Variants in ANKRD31 observed in about 807,000 individuals in gnomAD.
ANKRD31 encodes ankyrin repeat domain-containing protein 31.
In ANKRD31, 147 loss-of-function variants were observed where a neutral mutation model predicts 186.0. The observed-to-expected ratio is 0.79, with a 90% confidence interval of 0.69 to 0.91. The LOEUF is 0.91. Ranked by LOEUF, ANKRD31 falls within the 40% of genes least tolerant of loss-of-function variation. The pLI is 0.00. For missense variants in ANKRD31, 1,986 were observed against 2,148.8 expected (o/e 0.92, Z 1.50); for synonymous variants, 673 against 736.4 (o/e 0.91, Z 1.39).
At chr5:75,137,304 G>A (rs1241346412) in intron 17 of ANKRD31, among the ~76,000 whole-genome samples, 1 of 152,126 alleles carries the variant, frequency 6.6e-6, no homozygotes, top group Non-Finnish European at 1.5e-5. Context: ...AAAGATGAGT[G>A]TAAACATCTG....
chr5:75,150,725 C>G (rs1297347711), intron 12 of ANKRD31, among the ~76,000 whole-genome samples: 1 of 151,928 alleles, frequency 6.6e-6, no homozygotes, highest in Non-Finnish European at 1.5e-5. Flanking sequence ...CTGTAGGAAG[C>G]ATTCCCAGAA....
At chr5:75,122,229 C>T (rs1252624029) in intron 17 of ANKRD31, among the ~76,000 whole-genome samples, 1 of 151,356 alleles carries the variant, frequency 6.6e-6, no homozygotes, top group Non-Finnish European at 1.5e-5. Flanking sequence ...AAACATAAAA[C>T]CTCGAAAGAC....
intron 11 of ANKRD31, among the ~76,000 whole-genome samples, chr5:75,156,176 A>G (rs1241310580): frequency 6.6e-6 from 1 of 152,156 alleles, no homozygotes; most frequent in Non-Finnish European, 1.5e-5. Context: ...AAGTGTTGAG[A>G]TTACAGGTGT....
At chr5:75,104,144 C>G (rs1192119472) in intron 22 of ANKRD31, 84 bp downstream of exon 22, 4 of 1,199,422 alleles carry the variant, frequency 3.3e-6, no homozygotes, top group Non-Finnish European at 4.5e-6. Context: ...CTAATCAGAG[C>G]TAAATGTCTA....
intron 21 of ANKRD31, 118 bp downstream of exon 21, chr5:75,107,403 C>A: frequency 1.1e-5 from 7 of 660,844 alleles, no homozygotes; most frequent in Non-Finnish European, 1.8e-5. Context: ...CTCATAAAGT[C>A]ATTATTTGGC....
At position 75,216,162 on chromosome 5, in the gene ANKRD31, A is replaced by C. The variant is rs73116830; in HGVS notation, c.289-5297T>G. Among the ~76,000 whole-genome samples the C allele has an allele frequency of 3.7e-3, 569 of 152,310 alleles. 2 individuals carry two copies. Among genetic ancestry groups the C allele is most frequent in the African/African-American group, 0.013 (551 of 41,584 alleles). On this transcript the variant is annotated intron_variant, in intron 3 of 25. Coordinates refer to ENST00000506364, the MANE Select transcript of ANKRD31 (RefSeq NM_001372053.1). ...ATTTTATAACAAGCCCATACTCAGC[A>C]GATGGCTAGTTTACTATCTGATGAT... is the stretch of plus-strand genomic sequence containing the variant.
chr5:75,196,016 T>C lies in ANKRD31; in HGVS notation c.632A>G (p.Lys211Arg). The C allele has an allele frequency of 6.5e-7, 1 of 1,533,626 alleles. No homozygotes were observed. Residue 211 changes from lysine (K) to arginine (R), a missense_variant, in exon 7 of 26, where the codon AAG (lysine) becomes AGG (arginine). By Grantham distance (26) the Lys-to-Arg change is conservative. Transcript: ENST00000506364. Reference sequence around the variant, plus strand: ...GGTTTCAAGAGAGCTTTCTTCATCCTTAGTTTCTTCAGAAGTCATGGTCAT... The same window carrying C: ...GGTTTCAAGAGAGCTTTCTTCATCCCTAGTTTCTTCAGAAGTCATGGTCAT... ...VTMTMTSEET[K>R]DEESSLETFV...
In ANKRD31 at chr5:75,232,646, T is replaced by C. The variant is rs564022865; in HGVS notation, c.105-2011A>G. The stretch of plus-strand genomic sequence containing the variant: ...ATAATGACACTATTCTATATCTTGA[T>C]TGTGATAGTAGTTACACAATTATGT... On this transcript the variant is annotated intron_variant, in intron 1 of 25. Coordinates refer to ENST00000506364, the MANE Select transcript of ANKRD31 (RefSeq NM_001372053.1). 2.0e-5 allele frequency among the ~76,000 whole-genome samples: 3 copies of C among 152,248 alleles called. No individual in the cohort carries two copies. In the East Asian group the frequency reaches 5.8e-4, roughly 29 times the overall value.
Position 75,154,271 on chromosome 5 carries a change from C to T in ANKRD31, c.1782G>A (p.Glu594=). 1.3e-6 allele frequency: 2 copies of T among 1,535,442 alleles called. No homozygotes were observed. ...GACGCTTCATACATAAATCCTTGGC[C>T]TCATCCAAAGCACATTTTCCATCAT... ...RNDDGKCALD[E]AKDLCMKRLL... is the part of the protein sequence containing the mutation. The change falls in exon 12 of 26, where the codon GAG becomes GAA. Residue 594 remains glutamate (E), a synonymous_variant. Coordinates refer to ENST00000506364, the MANE Select transcript of ANKRD31 (RefSeq NM_001372053.1).
intron 14 of ANKRD31, 86 bp from the exon 15 acceptor site, chr5:75,144,257 T>C (rs1483885927): frequency 7.6e-6 from 3 of 392,974 alleles, no homozygotes; most frequent in African/African-American, 6.2e-5. Context: ...TTTTTTAAAG[T>C]TTCTGTTCCA....
At chr5:75,069,632 G>C (rs1744058744) in intron 25 of ANKRD31, among the ~76,000 whole-genome samples, 1 of 151,716 alleles carries the variant, frequency 6.6e-6, no homozygotes, top group South Asian at 2.1e-4. Flanking sequence ...TGCAACCTCT[G>C]CCTCCGAGGT....
intron 17 of ANKRD31, among the ~76,000 whole-genome samples, chr5:75,132,209 C>G (rs1480728461): frequency 6.6e-6 from 1 of 152,218 alleles, no homozygotes; most frequent in Non-Finnish European, 1.5e-5. Context: ...TCGGTAAGAA[C>G]AAACTTCTCT....
intron 11 of ANKRD31, among the ~76,000 whole-genome samples, chr5:75,158,538 G>T (rs1237566804): frequency 1.3e-5 from 2 of 152,112 alleles, no homozygotes; most frequent in Non-Finnish European, 2.9e-5. Context: ...TGCTTTGGGA[G>T]GCCAAGGCAG....
intron 10 of ANKRD31, among the ~76,000 whole-genome samples, chr5:75,185,879 A>G (rs1462764920): frequency 1.3e-5 from 2 of 152,092 alleles, no homozygotes; most frequent in East Asian, 1.9e-4. Flanking sequence ...CATTAAAAGT[A>G]AAAAATGGTG....
chr5:75,118,371 A>T (rs745667870), intron 17 of ANKRD31, 74 bp from the exon 18 acceptor site: 537 of 1,224,584 alleles, frequency 4.4e-4, no homozygotes, highest in Non-Finnish European at 5.4e-4. Flanking sequence ...CACAAACACC[A>T]CTGCCAAGCA....
At chr5:75,101,731 T>C (rs908835472) in intron 22 of ANKRD31, among the ~76,000 whole-genome samples, 6 of 152,228 alleles carry the variant, frequency 3.9e-5, no homozygotes, top group African/African-American at 1.4e-4. Context: ...CTACTGAAGC[T>C]TGTGCATGCG....
At chr5:75,137,189 A>G (rs1256295465) in intron 17 of ANKRD31, among the ~76,000 whole-genome samples, 38 of 152,294 alleles carry the variant, frequency 2.5e-4, no homozygotes. Flanking sequence ...ACTTTAATTA[A>G]AAATATTTTA....
intron 4 of ANKRD31, among the ~76,000 whole-genome samples, chr5:75,206,694 A>T (rs1756271229): frequency 6.6e-6 from 1 of 152,154 alleles, no homozygotes; most frequent in Admixed American, 6.6e-5. Context: ...GAGAGAGCTG[A>T]AAAAATAATA....
chr5:75,096,666 A>AT (rs75746379), intron 22 of ANKRD31, among the ~76,000 whole-genome samples: 30 of 150,820 alleles, frequency 2.0e-4, no homozygotes, highest in East Asian at 9.8e-4. Context: ...CTTTAAAAAA[A>AT]TTTTTTTTTT....
Sources: allele counts gnomAD v4.1 joint callset (sites outside exome capture counted in the v4.1 genomes callset), GRCh38; gene constraint gnomAD v4.1.1; transcripts MANE v1.5; gene names NCBI Gene and HGNC (gene_info 2026-07-23, HGNC 2026-07-21).